Variants in POLDIP3 observed in about 807,000 individuals in gnomAD.
POLDIP3 encodes DNA polymerase delta interacting protein 3, also known as polymerase delta-interacting protein 3.
POLDIP3 carries 14 observed loss-of-function variants against 45.1 expected under a neutral mutation model. The ratio of observed to expected loss-of-function variants is 0.31; its 90% confidence interval spans 0.20 to 0.49. POLDIP3 has a LOEUF of 0.49. Among genes scored for constraint, POLDIP3 ranks in the 20% least tolerant of loss-of-function variants. The pLI is 0.99. For synonymous variants in POLDIP3, 223 were observed against 205.2 expected, an observed-to-expected ratio of 1.09 and a Z score of -0.74; for missense variants, 511 against 538.8, an observed-to-expected ratio of 0.95 and a Z score of 0.51.
intron 1 of POLDIP3, among the ~76,000 whole-genome samples, chr22:42,612,066 T>TTC (rs1208756338): frequency 2.0e-5 from 3 of 152,128 alleles, no homozygotes; most frequent in African/African-American, 7.2e-5. Context: ...GCACTCCAGG[T>TTC]TCTTCCATGC....
chr22:42,606,451 TGA>T (rs1452685568), intron 1 of POLDIP3, among the ~76,000 whole-genome samples: 1 of 151,950 alleles, frequency 6.6e-6, no homozygotes, highest in Non-Finnish European at 1.5e-5. Context: ...GGCAATATAG[TGA>T]GACTCCATCT....
chr22:42,586,784 A>C (rs1925340477), intron 8 of POLDIP3, among the ~76,000 whole-genome samples: 1 of 152,148 alleles, frequency 6.6e-6, no homozygotes, highest in Non-Finnish European at 1.5e-5. Flanking sequence ...CACCCTGGCA[A>C]GTCTAACCTC....
chr22:42,603,558 T>C (rs1426574987), intron 1 of POLDIP3: 1 of 186,942 alleles, frequency 5.3e-6, no homozygotes, highest in Non-Finnish European at 1.1e-5. Context: ...CCATCCATGT[T>C]CTCACTCAGC....
chr22:42,584,601 C>T lies in POLDIP3; in HGVS notation c.*1190G>A, dbSNP rs1481074710. 1 of 311,766 alleles carries T rather than the reference C, an allele frequency of 3.2e-6. No homozygotes were observed. The highest frequency in any genetic ancestry group is 6.2e-6 in the Non-Finnish European group (1 of 160,838). The allele number at this position is 311,766 out of a possible 1,614,324, so 19.3% of individuals were successfully genotyped here. A position where few individuals can be genotyped will look rare whatever the true frequency, so the allele number is the denominator to read the frequency against. Reference sequence around the variant, plus strand: ...CACTCAGTGACAACACTGGCCTGGTCATTCAGGGACTGCCTGGGCTCTGAA... The same window carrying T: ...CACTCAGTGACAACACTGGCCTGGTTATTCAGGGACTGCCTGGGCTCTGAA... On this transcript the variant is annotated 3_prime_UTR_variant, in exon 9 of 9. Transcript: ENST00000252115.
At chr22:42,612,988 G>C (rs1411558064) in intron 1 of POLDIP3, among the ~76,000 whole-genome samples, 1 of 152,096 alleles carries the variant, frequency 6.6e-6, no homozygotes, top group African/African-American at 2.4e-5. Flanking sequence ...CCCTGTTCCT[G>C]TGGATCCACA....
chr22:42,609,044 T>C (rs1926953932), intron 1 of POLDIP3, among the ~76,000 whole-genome samples: 1 of 152,196 alleles, frequency 6.6e-6, no homozygotes, highest in Non-Finnish European at 1.5e-5. Flanking sequence ...ATTTTTCAAA[T>C]CAACACTCCT....
intron 4 of POLDIP3, among the ~76,000 whole-genome samples, chr22:42,598,305 G>T (rs1317418688): frequency 6.8e-6 from 1 of 146,980 alleles, no homozygotes. Context: ...AGGCTGGAGT[G>T]CAGTGGCGCC....
chr22:42,600,454 G>C (rs917725045), intron 3 of POLDIP3, among the ~76,000 whole-genome samples: 3 of 151,324 alleles, frequency 2.0e-5, no homozygotes, highest in African/African-American at 7.3e-5. Context: ...GTGAAACCCC[G>C]TCTCTACGAA....
At chr22:42,599,152 C>T (rs1926185689) in intron 4 of POLDIP3, among the ~76,000 whole-genome samples, 1 of 152,242 alleles carries the variant, frequency 6.6e-6, no homozygotes, top group African/African-American at 2.4e-5. Context: ...GTCTCAAACA[C>T]AGCACCTAGG....
chr22:42,598,577 G>A (rs1389055363), intron 4 of POLDIP3, among the ~76,000 whole-genome samples: 1 of 152,032 alleles, frequency 6.6e-6, no homozygotes, highest in Admixed American at 6.6e-5. Flanking sequence ...GTAGAGACGT[G>A]GTTTCACCGT....
At chr22:42,589,834 AC>A (rs1925556489) in intron 7 of POLDIP3, among the ~76,000 whole-genome samples, 2 of 147,814 alleles carry the variant, frequency 1.4e-5, no homozygotes, top group South Asian at 4.4e-4. Flanking sequence ...ACAGAGGGAG[AC>A]TCCGTATCAA....
chr22:42,586,338 G>GA (rs1214930037), intron 8 of POLDIP3, among the ~76,000 whole-genome samples: 1 of 129,762 alleles, frequency 7.7e-6, no homozygotes, highest in Non-Finnish European at 1.5e-5. Context: ...GGGTTTTGTG[G>GA]GGTTTTTTTG....
In POLDIP3 at chr22:42,601,965, T is replaced by G; in HGVS notation, c.537+5A>C. On this transcript the variant is annotated splice_donor_5th_base_variant and intron_variant, in intron 3 of 8. Transcript: ENST00000252115. ...CTCTCTCTCTCTCTCACTCACTCAC[T>G]CTACCTGTTTGGCCTGGTGGTTATT... The G allele has an allele frequency of 6.2e-7, 1 of 1,613,704 alleles. No individual in the cohort carries two copies. The highest frequency in any genetic ancestry group is 8.5e-7 in the Non-Finnish European group (1 of 1,179,730).
intron 6 of POLDIP3, among the ~76,000 whole-genome samples, chr22:42,593,471 T>G (rs531776516): frequency 6.6e-6 from 1 of 152,330 alleles, no homozygotes; most frequent in East Asian, 1.9e-4. Flanking sequence ...GACTGGCACA[T>G]AGCAAGTACT....
At chr22:42,596,114 G>C in intron 5 of POLDIP3, 72 bp downstream of exon 5, 1 of 1,506,484 alleles carries the variant, frequency 6.6e-7, no homozygotes, top group Admixed American at 1.8e-5. Flanking sequence ...GCGTTGTGGG[G>C]AACACAATGA....
At chr22:42,602,564 T>TA (rs1926461192) in intron 2 of POLDIP3, among the ~76,000 whole-genome samples, 1 of 123,894 alleles carries the variant, frequency 8.1e-6, no homozygotes, top group Non-Finnish European at 1.7e-5. Flanking sequence ...CTCCTTTTTC[T>TA]TTTTTTTTAG....
At chr22:42,590,570 T>C (rs544200627) in intron 7 of POLDIP3, among the ~76,000 whole-genome samples, 1 of 152,376 alleles carries the variant, frequency 6.6e-6, no homozygotes, top group South Asian at 2.1e-4. Flanking sequence ...TATGGTATTA[T>C]AATGTTATGG....
chr22:42,604,775 C>T (rs1239938488), intron 1 of POLDIP3, among the ~76,000 whole-genome samples: 1 of 152,184 alleles, frequency 6.6e-6, no homozygotes, highest in Non-Finnish European at 1.5e-5. Context: ...TGGAAAAACA[C>T]CTGCTGCCTC....
In POLDIP3 at chr22:42,614,722, C is replaced by T. The variant is rs79911213; in HGVS notation, c.59+77G>A. On this transcript the variant is annotated intron_variant, in intron 1 of 8. Transcript: ENST00000252115. ...GCGCACCCGGTCCTCCGCGTCGCTC[C>T]CGGATCGCTACCTCCCCCGCCTCGA... The T allele has an allele frequency of 7.9e-3, 12,012 of 1,525,682 alleles. 818 individuals carry two copies. In the African/African-American group the frequency reaches 0.15, roughly 19 times the overall value. 94.5% of individuals were successfully genotyped at this position (1,525,682 alleles called of 1,614,324 possible). A position where few individuals can be genotyped will look rare whatever the true frequency, so the allele number is the denominator to read the frequency against.
Sources: allele counts gnomAD v4.1 joint callset (sites outside exome capture counted in the v4.1 genomes callset), GRCh38; gene constraint gnomAD v4.1.1; transcripts MANE v1.5; gene names NCBI Gene and HGNC (gene_info 2026-07-23, HGNC 2026-07-21).